Variants in RAD18 observed in about 807,000 individuals in gnomAD.
RAD18 encodes the protein RAD18 E3 ubiquitin protein ligase.
RAD18 carries 47 observed loss-of-function variants against 60.4 expected under a neutral mutation model. The ratio of observed to expected loss-of-function variants is 0.78; its 90% CI spans 0.62 to 0.99. The LOEUF is 0.99. Among genes scored for constraint, RAD18 ranks in the 50% least tolerant of loss-of-function variants. The probability of loss-of-function intolerance (pLI) is 0.00; values close to 1 mark genes in which losing one functional copy is unlikely to be tolerated. For missense variants in RAD18, 640 were observed against 593.3 expected (o/e 1.08, Z -0.82); for synonymous variants, 225 against 195.5 (o/e 1.15, Z -1.26).
Position 8,931,213 on chromosome 3 carries a change from T to A in RAD18, c.889+4658A>T, listed in dbSNP as rs555610232. ...AAAAATAAATGTCAAAATGACTCTTTAAAATAGTAATAAACAATGAGAAAT... is the reference window on the plus strand; with the variant it reads ...AAAAATAAATGTCAAAATGACTCTTAAAAATAGTAATAAACAATGAGAAAT... On this transcript the variant is annotated intron_variant, in intron 7 of 12. Transcript: ENST00000264926. Among the ~76,000 whole-genome samples, 3 of 152,258 alleles carry A rather than the reference T, an allele frequency of 2.0e-5. No individual in the cohort carries two copies. The South Asian group carries it at 6.2e-4, about 32-fold the overall frequency.
chr3:8,906,766 A>G (rs1469035311), intron 9 of RAD18, among the ~76,000 whole-genome samples: 1 of 133,814 alleles, frequency 7.5e-6, no homozygotes, highest in African/African-American at 2.7e-5. Flanking sequence ...AGAAATCTCT[A>G]TTTCTATTTT....
intron 11 of RAD18, among the ~76,000 whole-genome samples, chr3:8,893,543 T>C (rs150610223): frequency 0.032 from 4,808 of 152,258 alleles, 110 homozygotes; most frequent in Middle Eastern, 0.075. Flanking sequence ...ATATGCCAAA[T>C]ATTTTAGCAG....
chr3:8,947,186 G>A, intron 4 of RAD18, 34 bp downstream of exon 4: 1 of 1,506,284 alleles, frequency 6.6e-7, no homozygotes, highest in Non-Finnish European at 9.2e-7. Context: ...AAAGGCAAAA[G>A]TAGTTAGAGG....
At chr3:8,882,221 C>A (rs1214517560) in intron 12 of RAD18, among the ~76,000 whole-genome samples, 1 of 152,166 alleles carries the variant, frequency 6.6e-6, no homozygotes, top group Non-Finnish European at 1.5e-5. Flanking sequence ...CAGGAAACTC[C>A]CCCTGGGGCT....
intron 4 of RAD18, among the ~76,000 whole-genome samples, chr3:8,944,963 C>T (rs1940816032): frequency 6.6e-6 from 1 of 151,824 alleles, no homozygotes; most frequent in South Asian, 2.1e-4. Context: ...AATCACAGAG[C>T]AAAAATGTTC....
intron 11 of RAD18, among the ~76,000 whole-genome samples, chr3:8,891,919 A>T (rs1939698652): frequency 6.6e-6 from 1 of 152,242 alleles, no homozygotes; most frequent in African/African-American, 2.4e-5. Flanking sequence ...CAAAAACCAC[A>T]TTCCTAAAAT....
chr3:8,896,009 C>A (rs1462574452), intron 11 of RAD18, among the ~76,000 whole-genome samples: 1 of 152,104 alleles, frequency 6.6e-6, no homozygotes, highest in Non-Finnish European at 1.5e-5. Flanking sequence ...CATATCTGTT[C>A]CCTCTTTTCT....
At chr3:8,924,293 C>G (rs1331727766) in intron 7 of RAD18, among the ~76,000 whole-genome samples, 3 of 148,020 alleles carry the variant, frequency 2.0e-5, no homozygotes, top group Admixed American at 1.4e-4. Context: ...TTTAAACCCA[C>G]AAAGATCAAA....
intron 11 of RAD18, among the ~76,000 whole-genome samples, chr3:8,892,084 TC>T (rs1386438802): frequency 6.6e-6 from 1 of 152,216 alleles, no homozygotes; most frequent in Non-Finnish European, 1.5e-5. Flanking sequence ...GATCAAAAAT[TC>T]CTTTAACATT....
chr3:8,942,305 TCTCTCTTG>T (rs905465231), intron 4 of RAD18, among the ~76,000 whole-genome samples: 1 of 152,126 alleles, frequency 6.6e-6, no homozygotes, highest in African/African-American at 2.4e-5. Flanking sequence ...TCCCACTCTG[TCTCTCTTG>T]CTCCCACTCT....
chr3:8,950,726 C>T (rs1302524126), intron 2 of RAD18, among the ~76,000 whole-genome samples: 3 of 152,216 alleles, frequency 2.0e-5, no homozygotes, highest in Admixed American at 6.5e-5. Context: ...TTGAAATTAT[C>T]GGACCAGCAA....
chr3:8,906,758 A>G lies in RAD18; in HGVS notation c.1028-4238T>C, dbSNP rs1940007908. On this transcript the variant is annotated intron_variant, in intron 9 of 12. Transcript: ENST00000264926. ...TCTGTTATTCCATCTGGGCTAATAG[A>G]AATCTCTATTTCTATTTTTTGGAGA... is the stretch of plus-strand genomic sequence containing the variant. Among the ~76,000 whole-genome samples the G allele has an allele frequency of 2.0e-5, 3 of 150,558 alleles. No individual in the cohort carries two copies. The South Asian group carries it at 6.4e-4, about 32-fold the overall frequency.
chr3:8,925,693 C>A (rs938428013), intron 7 of RAD18, among the ~76,000 whole-genome samples: 1 of 152,162 alleles, frequency 6.6e-6, no homozygotes, highest in African/African-American at 2.4e-5. Context: ...TCCAGCAGCA[C>A]ATCAAAAAGC....
intron 7 of RAD18, among the ~76,000 whole-genome samples, chr3:8,916,899 G>T (rs988697150): frequency 1.3e-5 from 2 of 151,852 alleles, no homozygotes; most frequent in Admixed American, 1.3e-4. Flanking sequence ...CACAGAAGAA[G>T]AAAAAAGGGA....
chr3:8,896,058 T>C (rs1041076297), intron 11 of RAD18, among the ~76,000 whole-genome samples: 1 of 152,194 alleles, frequency 6.6e-6, no homozygotes, highest in Admixed American at 6.5e-5. Context: ...CCCTCACATC[T>C]TTCACGTGCA....
chr3:8,885,193 T>G (rs1231584938), intron 12 of RAD18, among the ~76,000 whole-genome samples: 1 of 152,202 alleles, frequency 6.6e-6, no homozygotes, highest in Non-Finnish European at 1.5e-5. Context: ...CCTTGCCTCA[T>G]GTTGATTAAA....
intron 12 of RAD18, among the ~76,000 whole-genome samples, chr3:8,886,025 A>C (rs1309747505): frequency 5.9e-5 from 9 of 152,216 alleles, no homozygotes; most frequent in Non-Finnish European, 2.9e-5. Flanking sequence ...TCAGTTAGTC[A>C]GCATCTGGCA....
At chr3:8,913,590 G>T (rs917073298) in intron 8 of RAD18, 54 bp downstream of exon 8, 1 of 1,197,750 alleles carries the variant, frequency 8.3e-7, no homozygotes, top group East Asian at 2.7e-5. Flanking sequence ...ATTTTTGTAG[G>T]GTATTAAACT....
intron 12 of RAD18, among the ~76,000 whole-genome samples, chr3:8,882,196 T>C (rs956640843): frequency 6.6e-6 from 1 of 152,092 alleles, no homozygotes; most frequent in Non-Finnish European, 1.5e-5. Context: ...AGCTTTTCAG[T>C]TGCTGAGGGA....
Sources: gnomAD v4.1 joint callset for allele counts (sites outside exome capture counted in the v4.1 genomes callset) on GRCh38, gnomAD v4.1.1 for gene constraint, MANE v1.5 for transcripts, NCBI Gene and HGNC (gene_info 2026-07-23, HGNC 2026-07-21) for gene names.